Variants in KATNIP observed in about 807,000 individuals in gnomAD.
KATNIP encodes the protein katanin interacting protein.
A neutral mutation model predicts 174.0 loss-of-function variants in KATNIP; 126 were observed. The ratio of observed to expected loss-of-function variants is 0.72; its 90% CI spans 0.63 to 0.84. The LOEUF (loss-of-function observed/expected upper bound fraction) is 0.84, where lower values mean the gene tolerates loss of function less well. Among genes scored for constraint, KATNIP ranks in the 40% least tolerant of loss-of-function variants. The pLI is 0.00. For synonymous variants in KATNIP, 810 were observed against 835.7 expected (o/e 0.97, Z 0.53); for missense variants, 1,958 against 2,109.7 (o/e 0.93, Z 1.41).
At chr16:27,656,404 T>C (rs1425470511) in intron 6 of KATNIP, among the ~76,000 whole-genome samples, 6 of 113,420 alleles carry the variant, frequency 5.3e-5, no homozygotes, top group Non-Finnish European at 1.6e-5. Flanking sequence ...GGCAACAGAG[T>C]GAGACTCTGT....
intron 8 of KATNIP, among the ~76,000 whole-genome samples, chr16:27,683,664 T>G (rs1284745233): frequency 2.0e-5 from 3 of 152,090 alleles, no homozygotes; most frequent in Admixed American, 2.0e-4. Context: ...TTCTGTCAAC[T>G]TTGGTGAGAT....
chr16:27,717,262 T>C (rs1157835920), intron 13 of KATNIP, among the ~76,000 whole-genome samples: 1 of 152,192 alleles, frequency 6.6e-6, no homozygotes, highest in East Asian at 1.9e-4. Flanking sequence ...AGTTTGTTCC[T>C]TTTTAATGCA....
chr16:27,656,733 G>T (rs2077301660), intron 6 of KATNIP, among the ~76,000 whole-genome samples: 1 of 142,770 alleles, frequency 7.0e-6, no homozygotes. Context: ...GGTGGGAATT[G>T]AACAATGAGA....
At chr16:27,678,360 CT>C (rs771676274) in intron 7 of KATNIP, among the ~76,000 whole-genome samples, 2 of 151,952 alleles carry the variant, frequency 1.3e-5, no homozygotes, top group African/African-American at 2.4e-5. Context: ...ATTTTCTCCC[CT>C]CTCCCTCTTC....
chr16:27,775,330 A>G (rs1246366569), intron 24 of KATNIP, among the ~76,000 whole-genome samples: 1 of 152,170 alleles, frequency 6.6e-6, no homozygotes, highest in East Asian at 1.9e-4. Context: ...GGGAATCTGA[A>G]GCCAGGAACC....
intron 13 of KATNIP, among the ~76,000 whole-genome samples, chr16:27,720,015 TTTG>T (rs374344841): frequency 1.4e-4 from 21 of 152,036 alleles, no homozygotes; most frequent in Non-Finnish European, 1.9e-4. Flanking sequence ...TTGTGTTTGC[TTTG>T]TTGTTGTTGT....
intron 2 of KATNIP, among the ~76,000 whole-genome samples, chr16:27,613,810 G>A (rs948466849): frequency 1.2e-4 from 18 of 152,206 alleles, no homozygotes; most frequent in Non-Finnish European, 2.1e-4. Context: ...GGCCTCCTGC[G>A]CTTTTCTTGC....
At chr16:27,553,742 G>A (rs1040229852) in intron 1 of KATNIP, among the ~76,000 whole-genome samples, 6 of 152,156 alleles carry the variant, frequency 3.9e-5, no homozygotes, top group African/African-American at 1.4e-4. Context: ...AGACTGAGGT[G>A]TGGGGATCAC....
At chr16:27,581,570 G>C (rs552410781) in intron 2 of KATNIP, among the ~76,000 whole-genome samples, 3 of 152,216 alleles carry the variant, frequency 2.0e-5, no homozygotes, top group Non-Finnish European at 2.9e-5. Context: ...GAAGGACTTG[G>C]GGGTATATCT....
chr16:27,606,859 C>T (rs1050458468), intron 2 of KATNIP, among the ~76,000 whole-genome samples: 4 of 152,000 alleles, frequency 2.6e-5, no homozygotes, highest in Admixed American at 1.3e-4. Flanking sequence ...AGCCATCGTG[C>T]CTGGCATCTT....
At chr16:27,601,446 G>A (rs1423936078) in intron 2 of KATNIP, among the ~76,000 whole-genome samples, 1 of 152,120 alleles carries the variant, frequency 6.6e-6, no homozygotes, top group Non-Finnish European at 1.5e-5. Flanking sequence ...GGGAACAACA[G>A]AGGCAATGAC....
intron 9 of KATNIP, among the ~76,000 whole-genome samples, 171 bp downstream of exon 9, chr16:27,698,671 C>T (rs543456520): frequency 4.7e-4 from 71 of 152,374 alleles, no homozygotes; most frequent in African/African-American, 1.7e-3. Flanking sequence ...CCTGCTAAGG[C>T]TCCCTTTTCT....
At chr16:27,582,405 C>T (rs1386418225) in intron 2 of KATNIP, among the ~76,000 whole-genome samples, 2 of 152,170 alleles carry the variant, frequency 1.3e-5, no homozygotes, top group East Asian at 3.8e-4. Context: ...TATTTCTGGG[C>T]AGAGAAGAAC....
intron 1 of KATNIP, among the ~76,000 whole-genome samples, chr16:27,557,854 G>A (rs919238170): frequency 6.6e-6 from 1 of 152,196 alleles, no homozygotes; most frequent in African/African-American, 2.4e-5. Context: ...AAAATGAGCA[G>A]ATTTCTTATA....
At chr16:27,705,629 C>T (rs2079268976) in intron 12 of KATNIP, among the ~76,000 whole-genome samples, 1 of 152,116 alleles carries the variant, frequency 6.6e-6, no homozygotes. Context: ...AAAATCAAAG[C>T]TGTGCTCCCC....
chr16:27,666,157 C>G (rs1183382284), intron 6 of KATNIP, among the ~76,000 whole-genome samples: 1 of 152,160 alleles, frequency 6.6e-6, no homozygotes, highest in African/African-American at 2.4e-5. Flanking sequence ...TTCCTGAGTT[C>G]ATTTTGTCTT....
intron 2 of KATNIP, among the ~76,000 whole-genome samples, chr16:27,616,055 C>G (rs1315484882): frequency 6.6e-6 from 1 of 152,142 alleles, no homozygotes; most frequent in Non-Finnish European, 1.5e-5. Flanking sequence ...CGTTAATCCT[C>G]CCCTTGGCAA....
chr16:27,608,302 C>CAA (rs2075775701), intron 2 of KATNIP, among the ~76,000 whole-genome samples: 2 of 146,368 alleles, frequency 1.4e-5, no homozygotes, highest in East Asian at 4.0e-4. Context: ...GCAATCATAG[C>CAA]TCACTGCAGC....
chr16:27,747,228 G>A (rs982888705), intron 15 of KATNIP, among the ~76,000 whole-genome samples: 5 of 152,226 alleles, frequency 3.3e-5, no homozygotes, highest in Non-Finnish European at 5.9e-5. Context: ...CTAAGCCAGT[G>A]GAGCAGGAGG....
Sources: gnomAD v4.1 joint callset for allele counts (sites outside exome capture counted in the v4.1 genomes callset) on GRCh38, gnomAD v4.1.1 for gene constraint, MANE v1.5 for transcripts, NCBI Gene and HGNC (gene_info 2026-07-23, HGNC 2026-07-21) for gene names.